The following CHEK1 variants were observed in gnomAD, a reference collection of about 807,000 sequenced individuals.
CHEK1 encodes the protein checkpoint kinase 1, also known as serine/threonine-protein kinase Chk1.
In CHEK1, 32 loss-of-function variants were observed where a neutral mutation model predicts 60.2. The ratio of observed to expected loss-of-function variants is 0.53; its 90% CI spans 0.40 to 0.71. The LOEUF (loss-of-function observed/expected upper bound fraction) is 0.71, where lower values mean the gene tolerates loss of function less well. CHEK1 is among the 30% of genes least tolerant of loss of function. The probability of loss-of-function intolerance (pLI) is 0.00; values close to 1 mark genes in which losing one functional copy is unlikely to be tolerated. For missense variants in CHEK1, 399 were observed against 564.6 expected (o/e 0.71, Z 2.97); for synonymous variants, 179 against 187.2 (o/e 0.96, Z 0.36).
Position 125,645,546 on chromosome 11 carries a change from C to T in CHEK1, c.1233+903C>T, listed in dbSNP as rs3731454. Among the ~76,000 whole-genome samples the T allele has an allele frequency of 7.9e-4, 120 of 152,072 alleles. 1 individual carries two copies. In the East Asian group the frequency reaches 0.022, roughly 28 times the overall value. On this transcript the variant is annotated intron_variant, in intron 11 of 12. Coordinates refer to ENST00000438015, the MANE Select transcript of CHEK1 (RefSeq NM_001114122.3). ...ATCATGTATTTGAAAAAAACTATAACGGACATTATTGGAACAATTGGGGAA... is the reference window on the plus strand; with the variant it reads ...ATCATGTATTTGAAAAAAACTATAATGGACATTATTGGAACAATTGGGGAA...
At chr11:125,636,514 A>G (rs956528469) in intron 7 of CHEK1, among the ~76,000 whole-genome samples, 2 of 152,082 alleles carry the variant, frequency 1.3e-5, no homozygotes, top group African/African-American at 4.8e-5. Context: ...ATTATGGCTT[A>G]TTTTGTCAAA....
chr11:125,662,456 G>A (rs976837168), intron 13 of CHEK1, among the ~76,000 whole-genome samples: 1 of 152,184 alleles, frequency 6.6e-6, no homozygotes, highest in Non-Finnish European at 1.5e-5. Context: ...AGGGGAATAC[G>A]AGCATTCAGA....
At position 125,629,459 on chromosome 11, in the gene CHEK1, G is replaced by T. The variant is rs777701208; in HGVS notation, c.423G>T (p.Arg141Ser). Residue 141 changes from arginine (R) to serine (S), a missense_variant and splice_region_variant, in exon 5 of 13, where the codon AGG (arginine) becomes AGT (serine). Arg to Ser is a moderately radical substitution (Grantham distance 110). Around this residue, in one of 2 missense-constraint regions of CHEK1, gnomAD observed 370 missense variants for 494.8 expected, o/e 0.75. Coordinates refer to ENST00000438015, the MANE Select transcript of CHEK1 (RefSeq NM_001114122.3). ...CAGAAAATCTTCTGTTGGATGAAAG[G>T]GGTAAGTTTAGCATTTTATCACTAC... ...IKPENLLLDE[R>S]DNLKISDFGL... 4 of 1,605,892 alleles carry T rather than the reference G, an allele frequency of 2.5e-6. No homozygotes were observed. In the South Asian group the frequency reaches 3.3e-5, roughly 13 times the overall value.
At chr11:125,673,566 C>T (rs1004661155) in intron 13 of CHEK1, among the ~76,000 whole-genome samples, 1 of 152,088 alleles carries the variant, frequency 6.6e-6, no homozygotes, top group African/African-American at 2.4e-5. Flanking sequence ...TCATCTACTC[C>T]TCTGGATCCA....
rs1940545557 is a variant in CHEK1, at chr11:125,625,521, T to C, written c.-512T>C. 3.9e-6 allele frequency: 2 copies of C among 513,580 alleles called. No individual in the cohort carries two copies. The highest frequency in any genetic ancestry group is 3.0e-5 in the East Asian group (1 of 33,634). 31.8% of individuals were successfully genotyped at this position (513,580 alleles called of 1,614,324 possible). The stretch of plus-strand genomic sequence containing the variant: ...CTCTGAGGTTTACAAAGCACTCTGC[T>C]TCACCGACTGTGATCCTCACAGTCC... On this transcript the variant is annotated 5_prime_UTR_variant, in exon 1 of 13. Transcript: ENST00000438015.
At chr11:125,641,463 T>A (rs1234912220) in intron 8 of CHEK1, among the ~76,000 whole-genome samples, 1 of 152,252 alleles carries the variant, frequency 6.6e-6, no homozygotes, top group East Asian at 1.9e-4. Flanking sequence ...TAAAACTATA[T>A]GTTGATAGTC....
downstream of CHEK1, chr11:125,676,597 G>C (rs1168816556): frequency 2.3e-5 from 29 of 1,270,302 alleles, no homozygotes; most frequent in Middle Eastern, 1.3e-3. Flanking sequence ...TTATTTCTTA[G>C]TTCTTTTTGG....
At chr11:125,649,239 C>T (rs1178800227) in intron 11 of CHEK1, among the ~76,000 whole-genome samples, 1 of 152,052 alleles carries the variant, frequency 6.6e-6, no homozygotes, top group Non-Finnish European at 1.5e-5. Context: ...GTAGTGGCTA[C>T]TTAAAGGCAC....
At chr11:125,663,386 A>C (rs1336044165) in intron 13 of CHEK1, among the ~76,000 whole-genome samples, 1 of 152,178 alleles carries the variant, frequency 6.6e-6, no homozygotes, top group African/African-American at 2.4e-5. Context: ...TGTGAACCTT[A>C]GGTTGAATTT....
intron 11 of CHEK1, among the ~76,000 whole-genome samples, chr11:125,646,330 T>C (rs1028885224): frequency 1.3e-5 from 2 of 152,188 alleles, no homozygotes; most frequent in African/African-American, 4.8e-5. Flanking sequence ...CTGAATAATA[T>C]TCTGTTGTGT....
At position 125,625,806 on chromosome 11, in the gene CHEK1, G is replaced by C. The variant is rs913336685; in HGVS notation, c.-227G>C. The C allele has an allele frequency of 2.8e-6, 2 of 701,812 alleles. No individual in the cohort carries two copies. Among genetic ancestry groups the C allele is most frequent in the African/African-American group, 1.7e-5 (1 of 57,254 alleles). 43.5% of individuals were successfully genotyped at this position (701,812 alleles called of 1,614,324 possible). A position where few individuals can be genotyped will look rare whatever the true frequency, so the allele number is the denominator to read the frequency against. On this transcript the variant is annotated 5_prime_UTR_variant, in exon 1 of 13. Transcript: ENST00000438015. ...ATCTCTTCAGCCAGGATCTCTCCCC[G>C]ACTGCAAAGCAGCCCTGGGCGGGAG...
Position 125,627,826 on chromosome 11 carries a change from A to T in CHEK1, c.285A>T (p.Arg95Ser). Reference protein sequence around the residue: ...EYCSGGELFDRIEPDIGMPEP... With the variant: ...EYCSGGELFDSIEPDIGMPEP... The stretch of plus-strand genomic sequence containing the variant: ...GTAGTGGAGGAGAGCTTTTTGACAG[A>T]ATAGGTATGGAAGAAATTTAAGATA... Residue 95 changes from arginine (R) to serine (S), a missense_variant, in exon 3 of 13, where the codon AGA becomes AGT. Physicochemically the swap from Arg to Ser is moderately radical, Grantham distance 110. This residue lies in a region of CHEK1 where 370 missense variants were observed against 494.8 expected (regional missense o/e 0.75). Transcript: ENST00000438015. 3 of 1,562,152 alleles carry T rather than the reference A, an allele frequency of 1.9e-6. No homozygotes were observed. Among genetic ancestry groups the T allele is most frequent in the South Asian group, 2.4e-5 (2 of 84,148 alleles).
At chr11:125,645,428 C>A (rs1941465500) in intron 11 of CHEK1, among the ~76,000 whole-genome samples, 1 of 152,108 alleles carries the variant, frequency 6.6e-6, no homozygotes, top group East Asian at 1.9e-4. Flanking sequence ...ATGTTAATGT[C>A]AATGAAAGAC....
At chr11:125,648,356 G>A (rs917369739) in intron 11 of CHEK1, among the ~76,000 whole-genome samples, 20 of 152,088 alleles carry the variant, frequency 1.3e-4, no homozygotes, top group African/African-American at 4.6e-4. Flanking sequence ...GCCGTTGCGG[G>A]TGGATCATGA....
intron 5 of CHEK1, among the ~76,000 whole-genome samples, chr11:125,631,999 C>T (rs528990092): frequency 1.3e-5 from 2 of 150,962 alleles, no homozygotes; most frequent in East Asian, 3.9e-4. Flanking sequence ...TATTTTGAGA[C>T]ATTTAAGTTG....
At chr11:125,635,902 A>G (rs2135998854) in intron 7 of CHEK1, 1 of 161,396 alleles carries the variant, frequency 6.2e-6, no homozygotes, top group East Asian at 1.8e-4. Flanking sequence ...TTGTGTGAAC[A>G]TCATAGAGTA....
In CHEK1 at chr11:125,626,869, G is replaced by A. The variant is rs759376470; in HGVS notation, c.65+36G>A. 3.1e-6 allele frequency: 5 copies of A among 1,602,546 alleles called. No individual in the cohort carries two copies. In the Admixed American group the frequency reaches 6.7e-5, roughly 21 times the overall value. ...TTAAGCTTGCCTTCGTTTTCTGAGTGCATATTCATTGTTTTGGAGTCTCAC... is the reference window on the plus strand; with the variant it reads ...TTAAGCTTGCCTTCGTTTTCTGAGTACATATTCATTGTTTTGGAGTCTCAC... On this transcript the variant is annotated intron_variant, in intron 2 of 12. Coordinates refer to ENST00000438015, the MANE Select transcript of CHEK1 (RefSeq NM_001114122.3).
At chr11:125,661,591 C>A (rs506795), downstream of CHEK1, among the ~76,000 whole-genome samples, 48,378 of 151,988 alleles carry the variant, frequency 0.32, 7,963 homozygotes, top group East Asian at 0.42. Context: ...ACATTACAGG[C>A]GTGAGCCACC....
intron 13 of CHEK1, among the ~76,000 whole-genome samples, chr11:125,664,382 C>T (rs540532323): frequency 5.9e-5 from 9 of 151,792 alleles, no homozygotes; most frequent in East Asian, 1.9e-4. Flanking sequence ...TACAGGCACC[C>T]GCCACTACGC....
Sources: gnomAD v4.1 joint callset for allele counts (sites outside exome capture counted in the v4.1 genomes callset) on GRCh38, gnomAD v4.1.1 for gene constraint, gnomAD v4.1.1 regional missense constraint, MANE v1.5 for transcripts, NCBI Gene and HGNC (gene_info 2026-07-23, HGNC 2026-07-21) for gene names.